The following CSGALNACT1 variants were observed in gnomAD, a reference collection of about 807,000 sequenced individuals.
CSGALNACT1 encodes the protein beta4GalNAcT-1.
Under a neutral mutation model 51.0 loss-of-function variants are expected in CSGALNACT1, and 52 were observed. That is an observed-to-expected ratio of 1.02 (90% CI 0.82 to 1.29). CSGALNACT1 has a LOEUF of 1.29. Among genes scored for constraint, CSGALNACT1 ranks in the 50% most tolerant of loss-of-function variants. The probability of loss-of-function intolerance (pLI) is 0.00; values close to 1 mark genes in which losing one functional copy is unlikely to be tolerated. For synonymous variants in CSGALNACT1, 341 were observed against 254.4 expected, an observed-to-expected ratio of 1.34 and a Z score of -3.24; for missense variants, 935 against 679.2, an observed-to-expected ratio of 1.38 and a Z score of -4.19.
intron 1 of CSGALNACT1, among the ~76,000 whole-genome samples, chr8:19,755,845 T>C (rs1268943062): frequency 6.6e-6 from 1 of 152,234 alleles, no homozygotes; most frequent in African/African-American, 2.4e-5. Context: ...TATTGTATTA[T>C]GTGGAGTACA....
At chr8:19,449,496 C>T (rs187426832) in intron 5 of CSGALNACT1, among the ~76,000 whole-genome samples, 1 of 152,254 alleles carries the variant, frequency 6.6e-6, no homozygotes, top group African/African-American at 2.4e-5. Context: ...TATATACCAG[C>T]CTCACTATAA....
intron 1 of CSGALNACT1, among the ~76,000 whole-genome samples, chr8:19,749,158 G>A (rs1441291147): frequency 6.6e-6 from 1 of 150,892 alleles, no homozygotes; most frequent in East Asian, 1.9e-4. Context: ...AGAACCATTT[G>A]AACTAACTTG....
intron 1 of CSGALNACT1, among the ~76,000 whole-genome samples, chr8:19,634,847 C>T (rs565921825): frequency 4.5e-4 from 69 of 152,258 alleles, no homozygotes; most frequent in African/African-American, 1.4e-3. Context: ...CATAACCACT[C>T]GGCCTATGGT....
chr8:19,682,722 T>A (rs1461582190), upstream of CSGALNACT1: 1 of 454,092 alleles, frequency 2.2e-6, no homozygotes, highest in Non-Finnish European at 4.4e-6. Flanking sequence ...GCCACACCAA[T>A]GCACAGCCTG....
chr8:19,697,815 A>G (rs2061659230), intron 1 of CSGALNACT1, among the ~76,000 whole-genome samples: 3 of 152,180 alleles, frequency 2.0e-5, no homozygotes, highest in South Asian at 4.1e-4. Context: ...TTGGAAGGTC[A>G]TTAGAGAGAG....
chr8:19,626,201 T>C (rs1452724376), intron 1 of CSGALNACT1, among the ~76,000 whole-genome samples: 1 of 152,216 alleles, frequency 6.6e-6, no homozygotes, highest in Non-Finnish European at 1.5e-5. Flanking sequence ...CAACACAGCA[T>C]GGTATTTGCA....
intron 4 of CSGALNACT1, among the ~76,000 whole-genome samples, chr8:19,501,793 A>G (rs1563756643): frequency 6.6e-6 from 1 of 152,238 alleles, no homozygotes; most frequent in Non-Finnish European, 1.5e-5. Flanking sequence ...TGTATATCCC[A>G]TCCTGAAGGA....
intron 3 of CSGALNACT1, among the ~76,000 whole-genome samples, chr8:19,574,873 A>G (rs192327230): frequency 2.9e-3 from 446 of 152,222 alleles, no homozygotes; most frequent in Non-Finnish European, 5.4e-3. Context: ...CGTCTCTACT[A>G]AAAACACAAA....
intron 4 of CSGALNACT1, among the ~76,000 whole-genome samples, chr8:19,475,190 A>T (rs1301383953): frequency 6.6e-6 from 1 of 152,194 alleles, no homozygotes; most frequent in Non-Finnish European, 1.5e-5. Flanking sequence ...CAGAGTGTAC[A>T]AGAGTATGGA....
intron 5 of CSGALNACT1, among the ~76,000 whole-genome samples, chr8:19,452,472 T>C (rs1025200317): frequency 6.7e-6 from 1 of 150,342 alleles, no homozygotes; most frequent in Non-Finnish European, 1.5e-5. Flanking sequence ...GGAAAAAAGC[T>C]AATCACATTT....
At chr8:19,501,406 C>A (rs1019160471) in intron 4 of CSGALNACT1, among the ~76,000 whole-genome samples, 2 of 152,180 alleles carry the variant, frequency 1.3e-5, no homozygotes, top group Admixed American at 1.3e-4. Context: ...ATCACGTTGG[C>A]AACATCTGAA....
intron 1 of CSGALNACT1, among the ~76,000 whole-genome samples, chr8:19,609,349 T>C (rs567286793): frequency 6.8e-6 from 1 of 147,096 alleles, no homozygotes; most frequent in South Asian, 2.2e-4. Context: ...TTATTTGCTA[T>C]GCATACTAGA....
chr8:19,606,114 T>C (rs1332308593), upstream of CSGALNACT1, among the ~76,000 whole-genome samples: 1 of 152,190 alleles, frequency 6.6e-6, no homozygotes, highest in African/African-American at 2.4e-5. Context: ...TCTCAAAATG[T>C]GAAAAATAAA....
chr8:19,449,836 A>G (rs993715903), intron 5 of CSGALNACT1, among the ~76,000 whole-genome samples: 1 of 151,950 alleles, frequency 6.6e-6, no homozygotes, highest in Non-Finnish European at 1.5e-5. Flanking sequence ...AAAGTGAAGA[A>G]TATTTTCCAT....
chr8:19,533,203 A>G (rs1359300929), intron 3 of CSGALNACT1, among the ~76,000 whole-genome samples: 1 of 152,016 alleles, frequency 6.6e-6, no homozygotes, highest in Non-Finnish European at 1.5e-5. Context: ...CACAGCCTCA[A>G]ACTTTTGGGA....
chr8:19,604,793 T>C (rs1240692916), upstream of CSGALNACT1, among the ~76,000 whole-genome samples: 1 of 149,412 alleles, frequency 6.7e-6, no homozygotes, highest in Non-Finnish European at 1.5e-5. Context: ...CAGGTGCCTG[T>C]AGTCTCAGCT....
intron 4 of CSGALNACT1, among the ~76,000 whole-genome samples, chr8:19,503,780 GT>G (rs77031912): frequency 0.034 from 4,748 of 138,762 alleles, 76 homozygotes; most frequent in Non-Finnish European, 0.039. Flanking sequence ...ATATGAATGA[GT>G]TTTTTTTTTT....
At chr8:19,540,665 A>G (rs1409078496) in intron 3 of CSGALNACT1, among the ~76,000 whole-genome samples, 2 of 151,972 alleles carry the variant, frequency 1.3e-5, no homozygotes, top group Non-Finnish European at 2.9e-5. Context: ...CTCAGCCCTT[A>G]CGTCCTAGAT....
chr8:19,714,493 A>G lies in CSGALNACT1; in HGVS notation c.-297+43357T>C, dbSNP rs930735219. On this transcript the variant is annotated intron_variant, in intron 1 of 1. Transcript: ENST00000517494. ...TCTCCAGTCTCCTTCTGGAATTCCA[A>G]TAAACTATATGTTAGACTGATTTTA... 4.6e-5 allele frequency among the ~76,000 whole-genome samples: 7 copies of G among 152,166 alleles called. No homozygotes were observed. In the South Asian group the frequency reaches 6.2e-4, roughly 14 times the overall value.
Sources: allele counts gnomAD v4.1 joint callset (sites outside exome capture counted in the v4.1 genomes callset), GRCh38; gene constraint gnomAD v4.1.1; transcripts MANE v1.5; gene names NCBI Gene and HGNC (gene_info 2026-07-23, HGNC 2026-07-21).